The following MGAT5 variants were observed in gnomAD, a reference collection of about 807,000 sequenced individuals.
The protein encoded by MGAT5 is alpha-1,6-mannosylglycoprotein 6-beta-N-acetylglucosaminyltransferase, also known as alpha-1,6-mannosylglycoprotein 6-beta-N-acetylglucosaminyltransferase A.
MGAT5 carries 30 observed loss-of-function variants against 94.3 expected under a neutral mutation model. That is an observed-to-expected ratio of 0.32 (90% CI 0.24 to 0.43). MGAT5 has a LOEUF of 0.43. MGAT5 is among the 20% of genes least tolerant of loss of function. The pLI is 1.00. For missense variants in MGAT5, 691 were observed against 905.5 expected, an observed-to-expected ratio of 0.76 and a Z score of 3.04; for synonymous variants, 310 against 322.9, an observed-to-expected ratio of 0.96 and a Z score of 0.43.
intron 1 of MGAT5, among the ~76,000 whole-genome samples, chr2:134,172,659 T>A (rs148123742): frequency 6.6e-6 from 1 of 152,330 alleles, no homozygotes; most frequent in East Asian, 1.9e-4. Context: ...GTGCTGGGAT[T>A]ACAGGTGTGA....
intron 1 of MGAT5, among the ~76,000 whole-genome samples, chr2:134,157,249 A>G (rs1487414645): frequency 1.3e-5 from 2 of 152,204 alleles, no homozygotes; most frequent in East Asian, 1.9e-4. Flanking sequence ...TGACAGATAT[A>G]TCATGGTTTT....
At chr2:134,392,450 C>T (rs568839996) in intron 10 of MGAT5, among the ~76,000 whole-genome samples, 3 of 152,270 alleles carry the variant, frequency 2.0e-5, no homozygotes, top group African/African-American at 4.8e-5. Context: ...TTTAAAGGGA[C>T]CTTACGCTGC....
intron 11 of MGAT5, among the ~76,000 whole-genome samples, chr2:134,410,855 ATCCTGATCTGCGTCTTCTGGCACTTTTC>A: frequency 6.6e-6 from 1 of 152,198 alleles, no homozygotes; most frequent in East Asian, 1.9e-4. Flanking sequence ...ACCTGCAGAA[ATCCTGATCTGCGTCTTCTGGCACTTTTC>A]TCCTCAGTCA....
chr2:134,386,065 G>C (rs546765587), intron 10 of MGAT5, among the ~76,000 whole-genome samples: 1 of 152,088 alleles, frequency 6.6e-6, no homozygotes. Context: ...ATTTTGATCC[G>C]GTGACAAATT....
Position 134,269,052 on chromosome 2 carries a change from C to T in MGAT5, c.242-1334C>T, listed in dbSNP as rs531926206. The stretch of plus-strand genomic sequence containing the variant: ...AACCTCAGTTTTCTTATCTGTAAAA[C>T]GGAGTCACATCTACCTCATGGGGAG... On this transcript the variant is annotated intron_variant, in intron 1 of 15. Coordinates refer to ENST00000281923, the MANE Select transcript of MGAT5 (RefSeq NM_002410.5). Among the ~76,000 whole-genome samples the T allele has an allele frequency of 1.8e-4, 27 of 152,290 alleles. No individual in the cohort carries two copies. The South Asian group carries it at 3.1e-3, about 18-fold the overall frequency.
rs76247541 is a variant in MGAT5, at chr2:134,444,003, G to A, written c.2027+2088G>A. ...AGGGTCTGGCTCAGAGCTAGCATGG[G>A]GCCCTACAAAGGCAGGCCACCTCCA... On this transcript the variant is annotated intron_variant, in intron 15 of 15. Transcript: ENST00000281923. Among the ~76,000 whole-genome samples, 465 of 152,268 alleles carry A rather than the reference G, an allele frequency of 3.1e-3. 7 individuals carry two copies. The highest frequency in any genetic ancestry group is 0.021 in the East Asian group (109 of 5,170).
At chr2:134,176,419 A>C (rs1489587884) in intron 1 of MGAT5, among the ~76,000 whole-genome samples, 1 of 151,952 alleles carries the variant, frequency 6.6e-6, no homozygotes, top group Non-Finnish European at 1.5e-5. Context: ...TAAAAATACA[A>C]AAATTACCTG....
At chr2:134,173,488 T>A (rs1307632920) in intron 1 of MGAT5, among the ~76,000 whole-genome samples, 1 of 152,228 alleles carries the variant, frequency 6.6e-6, no homozygotes, top group Non-Finnish European at 1.5e-5. Flanking sequence ...CACGCCAGTA[T>A]CTGCACCCCC....
In MGAT5 at chr2:134,270,463, CTTG is replaced by C. The variant is rs866270357; in HGVS notation, c.324_326del (p.Val109del). The C allele has an allele frequency of 2.2e-5, 36 of 1,614,108 alleles. No homozygotes were observed. The highest frequency in any genetic ancestry group is 2.8e-5 in the Non-Finnish European group (33 of 1,180,040). On this transcript the variant is annotated inframe_deletion, in exon 2 of 16. Transcript: ENST00000281923. ...CAAGTTGGAGTCGAAGGTGGACAATCTTGTTGTCAATGGCACCGGAACAAACTC... is the reference window on the plus strand; with the variant it reads ...CAAGTTGGAGTCGAAGGTGGACAATCTTGTCAATGGCACCGGAACAAACTC...
intron 1 of MGAT5, among the ~76,000 whole-genome samples, chr2:134,121,741 T>C: frequency 6.6e-6 from 1 of 152,212 alleles, no homozygotes. Flanking sequence ...ACCAAAGTGT[T>C]AGAGGTATCT....
At chr2:134,434,544 C>G (rs1685064801) in intron 14 of MGAT5, among the ~76,000 whole-genome samples, 1 of 152,202 alleles carries the variant, frequency 6.6e-6, no homozygotes, top group Non-Finnish European at 1.5e-5. Flanking sequence ...AGAATAGTTT[C>G]CTTTTCTACT....
At chr2:134,124,362 G>T (rs1685746715) in intron 1 of MGAT5, among the ~76,000 whole-genome samples, 1 of 152,094 alleles carries the variant, frequency 6.6e-6, no homozygotes, top group South Asian at 2.1e-4. Context: ...TGTCATATCT[G>T]CAGGGCTATG....
intron 12 of MGAT5, among the ~76,000 whole-genome samples, chr2:134,414,226 A>G (rs747432934): frequency 1.5e-4 from 23 of 148,806 alleles, no homozygotes; most frequent in Non-Finnish European, 3.3e-4. Context: ...GTGGTTTTGT[A>G]TTAAGAGGTC....
intron 11 of MGAT5, among the ~76,000 whole-genome samples, chr2:134,404,263 A>G (rs995836703): frequency 3.9e-5 from 6 of 152,170 alleles, no homozygotes; most frequent in African/African-American, 1.4e-4. Context: ...CTTTGTTTTC[A>G]TGTTCAAGGT....
chr2:134,125,421 C>T (rs141122597), intron 1 of MGAT5, among the ~76,000 whole-genome samples: 214 of 152,246 alleles, frequency 1.4e-3, no homozygotes, highest in African/African-American at 4.6e-3. Context: ...TACTAGCCAG[C>T]ACCTTCTTTC....
chr2:134,419,332 T>C (rs988268993), intron 12 of MGAT5, among the ~76,000 whole-genome samples: 1 of 152,226 alleles, frequency 6.6e-6, no homozygotes, highest in East Asian at 1.9e-4. Flanking sequence ...GTTCAGGTTA[T>C]GTTTTAATAT....
intron 11 of MGAT5, 134 bp downstream of exon 11, chr2:134,403,271 C>A: frequency 6.3e-6 from 5 of 799,768 alleles, no homozygotes; most frequent in Non-Finnish European, 7.6e-6. Context: ...TTTGCTAGAC[C>A]AATGGCAGCT....
At chr2:134,147,177 A>C (rs1686957892) in intron 1 of MGAT5, among the ~76,000 whole-genome samples, 1 of 152,208 alleles carries the variant, frequency 6.6e-6, no homozygotes, top group African/African-American at 2.4e-5. Context: ...TTTATTAGTA[A>C]AATGGGATAA....
chr2:134,167,394 A>G (rs994577235), intron 1 of MGAT5, among the ~76,000 whole-genome samples: 4 of 152,350 alleles, frequency 2.6e-5, no homozygotes, highest in Middle Eastern at 6.8e-3. Context: ...GCGTGTTGGC[A>G]GTGGTTCTCC....
Sources: gnomAD v4.1 joint callset for allele counts (sites outside exome capture counted in the v4.1 genomes callset) on GRCh38, gnomAD v4.1.1 for gene constraint, MANE v1.5 for transcripts, NCBI Gene and HGNC (gene_info 2026-07-23, HGNC 2026-07-21) for gene names.